Variants in ITFG1 observed in about 807,000 individuals in gnomAD.
The protein encoded by ITFG1 is T-cell immunomodulatory protein.
A neutral mutation model predicts 81.8 loss-of-function variants in ITFG1; 34 were observed. That is an observed-to-expected ratio of 0.42 (90% confidence interval 0.32 to 0.55). The LOEUF is 0.55. Ranked by LOEUF, ITFG1 falls within the 20% of genes least tolerant of loss-of-function variation. The pLI, the probability that ITFG1 is intolerant of heterozygous loss-of-function variation, is 0.17. For missense variants in ITFG1, 672 were observed against 755.4 expected (o/e 0.89, Z 1.29); for synonymous variants, 285 against 270.6 (o/e 1.05, Z -0.52).
rs779850835 is a variant in ITFG1 at position 47,282,733 on chromosome 16, T to C, written c.1071-22038A>G. On this transcript the variant is annotated intron_variant, in intron 10 of 17. Coordinates refer to ENST00000320640, the MANE Select transcript of ITFG1 (RefSeq NM_030790.5). The stretch of plus-strand genomic sequence containing the variant: ...ATGACAGCAAATAAGTGGCCCCTTT[T>C]CTCCACATCCTCGCCAACATGTTGT... 5.9e-5 allele frequency among the ~76,000 whole-genome samples: 9 copies of C among 152,302 alleles called. No homozygotes were observed. In the South Asian group the frequency reaches 1.9e-3, roughly 32 times the overall value.
intron 13 of ITFG1, among the ~76,000 whole-genome samples, chr16:47,232,793 A>C (rs2151532290): frequency 6.6e-6 from 1 of 151,890 alleles, no homozygotes; most frequent in East Asian, 1.9e-4. Flanking sequence ...GGTGCACACC[A>C]CCACACCCAG....
At chr16:47,206,538 C>A (rs1350874524) in intron 14 of ITFG1, among the ~76,000 whole-genome samples, 3 of 152,178 alleles carry the variant, frequency 2.0e-5, no homozygotes, top group African/African-American at 7.2e-5. Context: ...ATTACTCTCA[C>A]CTACCAGCCT....
chr16:47,428,998 T>C, intron 5 of ITFG1, 100 bp from the exon 6 acceptor site: 1 of 695,304 alleles, frequency 1.4e-6, no homozygotes, highest in South Asian at 1.9e-5. Context: ...ATTTATTTAT[T>C]TTCATTGATA....
At chr16:47,451,362 G>C in intron 5 of ITFG1, 34 bp downstream of exon 5, 1 of 1,141,840 alleles carries the variant, frequency 8.8e-7, no homozygotes, top group Non-Finnish European at 1.3e-6. Context: ...CAATATATAC[G>C]ATTAATTACA....
chr16:47,220,850 T>C (rs1965681895), intron 13 of ITFG1, among the ~76,000 whole-genome samples: 1 of 152,154 alleles, frequency 6.6e-6, no homozygotes, highest in Admixed American at 6.5e-5. Context: ...ATAAAAGCAA[T>C]GAGAATACTG....
At chr16:47,296,209 C>A (rs1340542768) in intron 10 of ITFG1, among the ~76,000 whole-genome samples, 3 of 151,520 alleles carry the variant, frequency 2.0e-5, no homozygotes, top group African/African-American at 7.3e-5. Context: ...GACGCTGAGA[C>A]TACAGAGATG....
chr16:47,287,603 A>G (rs1269599798), intron 10 of ITFG1, among the ~76,000 whole-genome samples: 1 of 151,764 alleles, frequency 6.6e-6, no homozygotes, highest in African/African-American at 2.4e-5. Context: ...GGGCCTCACT[A>G]TGTTATCCAG....
At chr16:47,310,402 G>A (rs1183412398) in intron 10 of ITFG1, among the ~76,000 whole-genome samples, 1 of 151,954 alleles carries the variant, frequency 6.6e-6, no homozygotes, top group African/African-American at 2.4e-5. Context: ...TAATGTAAAA[G>A]GAAAGAAAGA....
At chr16:47,322,625 G>C (rs1967465614) in intron 8 of ITFG1, among the ~76,000 whole-genome samples, 1 of 152,174 alleles carries the variant, frequency 6.6e-6, no homozygotes, top group East Asian at 1.9e-4. Context: ...AGGAGACGGA[G>C]GTTGCAGTGA....
At chr16:47,376,826 G>A (rs1968330664) in intron 6 of ITFG1, among the ~76,000 whole-genome samples, 1 of 152,018 alleles carries the variant, frequency 6.6e-6, no homozygotes, top group African/African-American at 2.4e-5. Context: ...AAAATTAGCT[G>A]GGTGTGATGG....
chr16:47,402,518 A>T (rs533823079), intron 6 of ITFG1, among the ~76,000 whole-genome samples: 1 of 152,316 alleles, frequency 6.6e-6, no homozygotes, highest in East Asian at 1.9e-4. Context: ...GGATGTCACA[A>T]CCATTGCTCC....
intron 7 of ITFG1, 40 bp from the exon 8 acceptor site, chr16:47,365,909 C>A (rs2151586941): frequency 9.6e-7 from 1 of 1,041,584 alleles, no homozygotes; most frequent in South Asian, 1.3e-5. Context: ...CCATCTTAAT[C>A]CACTCATTTG....
chr16:47,273,790 G>GTTTATTTA (rs138805545), intron 10 of ITFG1, among the ~76,000 whole-genome samples: 42 of 151,700 alleles, frequency 2.8e-4, no homozygotes, highest in African/African-American at 8.0e-4. Context: ...TAGTTTGTTT[G>GTTTATTTA]TTTATTTATT....
At chr16:47,337,350 T>A (rs1242792721) in intron 8 of ITFG1, among the ~76,000 whole-genome samples, 2 of 151,924 alleles carry the variant, frequency 1.3e-5, no homozygotes, top group African/African-American at 4.8e-5. Flanking sequence ...GGCAGGCAGA[T>A]CACGAGGTCA....
intron 6 of ITFG1, among the ~76,000 whole-genome samples, chr16:47,414,257 A>ATT (rs879479618): frequency 6.9e-6 from 1 of 145,850 alleles, no homozygotes; most frequent in African/African-American, 2.5e-5. Flanking sequence ...CCAAGGATCT[A>ATT]TTTTTTTTTT....
At chr16:47,330,824 T>C (rs889756473) in intron 8 of ITFG1, among the ~76,000 whole-genome samples, 3 of 152,100 alleles carry the variant, frequency 2.0e-5, no homozygotes, top group African/African-American at 7.2e-5. Flanking sequence ...AAATAACAGA[T>C]GCTGGCAAGG....
At chr16:47,241,023 T>G (rs1965927057) in intron 12 of ITFG1, among the ~76,000 whole-genome samples, 1 of 152,040 alleles carries the variant, frequency 6.6e-6, no homozygotes, top group African/African-American at 2.4e-5. Context: ...ATGGCAAATT[T>G]TATGTGACAC....
chr16:47,222,539 G>T (rs1359038939), intron 13 of ITFG1, among the ~76,000 whole-genome samples: 2 of 150,792 alleles, frequency 1.3e-5, no homozygotes, highest in Non-Finnish European at 2.9e-5. Flanking sequence ...TCAGCCTCCC[G>T]AGTAGCTGGG....
In ITFG1 at chr16:47,313,768, T is replaced by C. The variant is rs752079736; in HGVS notation, c.858A>G (p.Gln286=). 5.0e-6 allele frequency: 8 copies of C among 1,609,946 alleles called. No homozygotes were observed. The South Asian group carries it at 7.7e-5, about 16-fold the overall frequency. ...ATCTCACTAAGTAGATGGTACTCTT[T>C]TGGCAATTTTTATCTTCACAGCCTG... The part of the protein sequence containing the change: ...LLPGCEDKNC[Q]KSTIYLVRSG... Residue 286 remains glutamine, a synonymous_variant, in exon 9 of 18, where the codon CAA becomes CAG. Transcript: ENST00000320640.
Sources: gnomAD v4.1 joint callset for allele counts (sites outside exome capture counted in the v4.1 genomes callset) on GRCh38, gnomAD v4.1.1 for gene constraint, MANE v1.5 for transcripts, NCBI Gene and HGNC (gene_info 2026-07-23, HGNC 2026-07-21) for gene names.